The following JAK1 variants were observed in gnomAD, a reference collection of about 807,000 sequenced individuals.
The protein encoded by JAK1 is Janus kinase 1.
In JAK1, 16 loss-of-function variants were observed where a neutral mutation model predicts 136.6. The observed-to-expected ratio is 0.12, with a 90% CI of 0.08 to 0.18. JAK1 has a LOEUF of 0.18. JAK1 is among the 10% of genes least tolerant of loss of function. The pLI is 1.00. For missense variants in JAK1, 859 were observed against 1,450.1 expected, an observed-to-expected ratio of 0.59 and a Z score of 6.62; for synonymous variants, 492 against 519.5, an observed-to-expected ratio of 0.95 and a Z score of 0.72.
At chr1:64,913,511 C>A (rs186549946) in intron 1 of JAK1, among the ~76,000 whole-genome samples, 73 of 151,844 alleles carry the variant, frequency 4.8e-4, no homozygotes, top group Admixed American at 4.0e-3. Flanking sequence ...TTCCTATGAA[C>A]CAGACACTAA....
intron 2 of JAK1, among the ~76,000 whole-genome samples, chr1:65,036,808 A>G (rs988425084): frequency 2.6e-5 from 4 of 152,252 alleles, no homozygotes; most frequent in South Asian, 2.1e-4. Context: ...ATGGACTATT[A>G]TGTAATCATT....
intron 2 of JAK1, among the ~76,000 whole-genome samples, chr1:65,017,361 G>A (rs1262463411): frequency 1.3e-5 from 2 of 152,066 alleles, no homozygotes; most frequent in Non-Finnish European, 2.9e-5. Context: ...CCAGCTACTC[G>A]GGAGGCTGAG....
intron 1 of JAK1, among the ~76,000 whole-genome samples, chr1:64,946,558 G>C (rs746090248): frequency 7.2e-5 from 11 of 152,138 alleles, no homozygotes; most frequent in Non-Finnish European, 1.6e-4. Context: ...AATGTTCTTT[G>C]TTTTCTAGAT....
intron 1 of JAK1, among the ~76,000 whole-genome samples, chr1:64,963,191 A>G (rs1216635374): frequency 1.3e-5 from 2 of 152,216 alleles, no homozygotes; most frequent in Non-Finnish European, 2.9e-5. Flanking sequence ...GAAACAAGGA[A>G]CACCTTCCTT....
At chr1:64,930,054 C>T (rs1433231623) in intron 1 of JAK1, among the ~76,000 whole-genome samples, 1 of 151,948 alleles carries the variant, frequency 6.6e-6, no homozygotes, top group Non-Finnish European at 1.5e-5. Context: ...AAGACTTAAA[C>T]GTTAAGACCT....
At chr1:64,923,602 AC>A (rs1280408006) in intron 1 of JAK1, among the ~76,000 whole-genome samples, 4 of 152,160 alleles carry the variant, frequency 2.6e-5, no homozygotes, top group Non-Finnish European at 5.9e-5. Flanking sequence ...CTGTGACTAA[AC>A]CACTGTAACC....
At chr1:64,941,375 A>G (rs759425794) in intron 1 of JAK1, among the ~76,000 whole-genome samples, 2 of 152,222 alleles carry the variant, frequency 1.3e-5, no homozygotes, top group Non-Finnish European at 2.9e-5. Flanking sequence ...ATGTGACAAC[A>G]TGACTACAAA....
chr1:64,862,644 A>G (rs1389542314), intron 8 of JAK1, among the ~76,000 whole-genome samples: 1 of 152,190 alleles, frequency 6.6e-6, no homozygotes, highest in East Asian at 1.9e-4. Context: ...GACTGTGTCA[A>G]CCAGGACAGG....
At chr1:65,015,042 T>A (rs1445812019) in intron 2 of JAK1, among the ~76,000 whole-genome samples, 3 of 152,160 alleles carry the variant, frequency 2.0e-5, no homozygotes, top group African/African-American at 7.2e-5. Flanking sequence ...ATAGTATTAA[T>A]ATGTACATTT....
At chr1:64,854,773 C>T (rs1275580425) in intron 11 of JAK1, among the ~76,000 whole-genome samples, 3 of 152,136 alleles carry the variant, frequency 2.0e-5, no homozygotes, top group Non-Finnish European at 4.4e-5. Context: ...AAGGCCCCCA[C>T]ACCCTAAGCT....
chr1:64,945,834 T>A (rs907100918), intron 1 of JAK1, among the ~76,000 whole-genome samples: 1 of 151,968 alleles, frequency 6.6e-6, no homozygotes, highest in African/African-American at 2.4e-5. Context: ...GTTCAAGCCA[T>A]CCTCTGGCCT....
chr1:64,951,948 C>T (rs968555856), intron 1 of JAK1, among the ~76,000 whole-genome samples: 5 of 152,048 alleles, frequency 3.3e-5, no homozygotes, highest in African/African-American at 9.7e-5. Context: ...TGAGCCACCG[C>T]GCCAGGCACA....
At chr1:64,880,292 T>C (rs2101229673) in intron 3 of JAK1, among the ~76,000 whole-genome samples, 2 of 152,338 alleles carry the variant, frequency 1.3e-5, no homozygotes, top group Middle Eastern at 3.4e-3. Flanking sequence ...ACCGAGAATA[T>C]GGAGTTAAAC....
At chr1:64,870,562 C>A (rs560660538) in intron 5 of JAK1, among the ~76,000 whole-genome samples, 1 of 152,274 alleles carries the variant, frequency 6.6e-6, no homozygotes, top group East Asian at 1.9e-4. Context: ...GCCAGGACCA[C>A]TGTTCAATGC....
At chr1:64,909,885 C>T (rs767032339) in intron 1 of JAK1, among the ~76,000 whole-genome samples, 3 of 140,010 alleles carry the variant, frequency 2.1e-5, no homozygotes, top group Admixed American at 7.5e-5. Flanking sequence ...CACCTGCATA[C>T]ACTAAGTGTT....
At chr1:64,879,542 A>G (rs1384902129) in intron 3 of JAK1, among the ~76,000 whole-genome samples, 2 of 152,182 alleles carry the variant, frequency 1.3e-5, no homozygotes, top group Non-Finnish European at 2.9e-5. Context: ...GGAGTTGGGG[A>G]AATCTTCCAT....
At chr1:64,952,637 T>A (rs539073483) in intron 1 of JAK1, among the ~76,000 whole-genome samples, 31 of 152,158 alleles carry the variant, frequency 2.0e-4, no homozygotes, top group African/African-American at 3.6e-4. Context: ...CAAGATAGCC[T>A]CAATTAAAAT....
At chr1:64,836,248 C>T in intron 22 of JAK1, 33 bp from the exon 23 acceptor site, 1 of 1,260,032 alleles carries the variant, frequency 7.9e-7, no homozygotes, top group Non-Finnish European at 1.2e-6. Context: ...AACTTCATTT[C>T]CTGGGAGGCA....
At chr1:64,893,383 C>T (rs571876378) in intron 1 of JAK1, among the ~76,000 whole-genome samples, 4 of 151,826 alleles carry the variant, frequency 2.6e-5, no homozygotes, top group African/African-American at 7.3e-5. Context: ...CCTCTCTGAG[C>T]TCAAACCCTG....
Sources: allele counts gnomAD v4.1 joint callset (sites outside exome capture counted in the v4.1 genomes callset), GRCh38; gene constraint gnomAD v4.1.1; transcripts MANE v1.5; gene names NCBI Gene and HGNC (gene_info 2026-07-23, HGNC 2026-07-21).